Variants in TENM4 observed in about 807,000 individuals in gnomAD.
TENM4 encodes teneurin transmembrane protein 4.
In TENM4, 82 loss-of-function variants were observed where a neutral mutation model predicts 243.3. That is an observed-to-expected ratio of 0.34 (90% CI 0.28 to 0.40). The LOEUF (loss-of-function observed/expected upper bound fraction) is 0.40, where lower values mean the gene tolerates loss of function less well. Ranked by LOEUF, TENM4 falls within the 10% of genes least tolerant of loss-of-function variation. The probability of loss-of-function intolerance (pLI) is 1.00; values close to 1 mark genes in which losing one functional copy is unlikely to be tolerated. For synonymous variants in TENM4, 1,412 were observed against 1,456.3 expected, an observed-to-expected ratio of 0.97 and a Z score of 0.69; for missense variants, 3,138 against 3,673.3, an observed-to-expected ratio of 0.85 and a Z score of 3.77.
intron 8 of TENM4, 121 bp downstream of exon 8, chr11:78,891,117 T>C: frequency 1.2e-6 from 1 of 826,796 alleles, no homozygotes; most frequent in South Asian, 1.7e-5. Flanking sequence ...GACTTGGTGA[T>C]GAGCATGCCA....
intron 6 of TENM4, among the ~76,000 whole-genome samples, chr11:78,920,039 G>A (rs2136382476): frequency 6.6e-6 from 1 of 152,234 alleles, no homozygotes; most frequent in Middle Eastern, 3.4e-3. Context: ...CCCTCGAGAT[G>A]CCTCTTATTT....
intron 4 of TENM4, among the ~76,000 whole-genome samples, chr11:79,105,656 G>A (rs1036394351): frequency 6.6e-6 from 1 of 152,232 alleles, no homozygotes; most frequent in African/African-American, 2.4e-5. Context: ...AGGCAGGCTG[G>A]TCAGTGCCTA....
chr11:79,278,729 C>A (rs955078892), intron 2 of TENM4, among the ~76,000 whole-genome samples: 4 of 152,206 alleles, frequency 2.6e-5, no homozygotes, highest in African/African-American at 7.2e-5. Flanking sequence ...ACTCAAGTGG[C>A]CCGTGGCAGT....
intron 10 of TENM4, among the ~76,000 whole-genome samples, chr11:78,859,287 G>A (rs1243869019): frequency 6.6e-6 from 1 of 152,160 alleles, no homozygotes; most frequent in Non-Finnish European, 1.5e-5. Flanking sequence ...AAACATTCAT[G>A]AGAAGGACAC....
chr11:78,723,624 A>G (rs1855449909), intron 23 of TENM4, among the ~76,000 whole-genome samples: 1 of 152,210 alleles, frequency 6.6e-6, no homozygotes, highest in African/African-American at 2.4e-5. Flanking sequence ...GAGGGGATTG[A>G]CCTCAATGAC....
intron 19 of TENM4, among the ~76,000 whole-genome samples, chr11:78,755,940 C>A (rs140916711): frequency 6.6e-6 from 1 of 152,114 alleles, no homozygotes; most frequent in African/African-American, 2.4e-5. Context: ...GGCACCACTA[C>A]GTTGGAAGAC....
intron 3 of TENM4, among the ~76,000 whole-genome samples, chr11:79,190,691 T>A (rs1863462007): frequency 6.6e-6 from 1 of 152,204 alleles, no homozygotes. Context: ...GAATAGGTGA[T>A]GCAAGTCAAG....
At chr11:78,698,907 C>T (rs1008913330) in intron 28 of TENM4, among the ~76,000 whole-genome samples, 3 of 152,120 alleles carry the variant, frequency 2.0e-5, no homozygotes, top group African/African-American at 7.2e-5. Flanking sequence ...ATTTTCCAGC[C>T]GACTTTGGAT....
At chr11:78,694,807 G>A (rs1858915562) in intron 28 of TENM4, among the ~76,000 whole-genome samples, 1 of 152,134 alleles carries the variant, frequency 6.6e-6, no homozygotes, top group Admixed American at 6.5e-5. Context: ...GAATTCAGAA[G>A]GTTTTCCTCA....
At chr11:78,734,786 C>CT (rs1173461843) in intron 20 of TENM4, among the ~76,000 whole-genome samples, 1 of 152,158 alleles carries the variant, frequency 6.6e-6, no homozygotes, top group Non-Finnish European at 1.5e-5. Context: ...AGCTCTCTGG[C>CT]CCAGGGACAT....
intron 3 of TENM4, among the ~76,000 whole-genome samples, chr11:79,187,253 T>C (rs184588558): frequency 6.6e-6 from 1 of 152,184 alleles, no homozygotes; most frequent in Admixed American, 6.5e-5. Context: ...CCACTGGGGA[T>C]AAAGGGAAAA....
chr11:79,360,056 A>G lies in TENM4; in HGVS notation c.-320-62513T>C, dbSNP rs536324043. ...CAAAGTCTCTTCAGACACAAAGAAC[A>G]TCCCTCCTCTATTCATTACAGAGCC... On this transcript the variant is annotated intron_variant, in intron 1 of 33. Coordinates refer to ENST00000278550, the MANE Select transcript of TENM4 (RefSeq NM_001098816.3). Among the ~76,000 whole-genome samples, 116 of 152,304 alleles carry G rather than the reference A, an allele frequency of 7.6e-4. 3 individuals carry two copies. The South Asian group carries it at 0.024, about 31-fold the overall frequency.
rs61745646 is a variant in TENM4, at chr11:78,812,138, G to A, written c.1962C>T (p.Gly654=). The part of the protein sequence containing the change: ...GTCICNPGYK[G]ESCEEVDCMD... ...AACTCTTACCTTCCTCACAGCTCTC[G>A]CCCTTGTAGCCAGGGTTGCAGATGC... The change falls in exon 14 of 34, where the codon GGC becomes GGT. Residue 654 remains glycine, a synonymous_variant. Coordinates refer to ENST00000278550, the MANE Select transcript of TENM4 (RefSeq NM_001098816.3). 6.6e-4 allele frequency: 1,027 copies of A among 1,551,278 alleles called. 6 individuals carry two copies. The African/African-American group carries it at 0.012, about 17-fold the overall frequency.
chr11:79,370,251 C>CAT (rs1565318329), intron 1 of TENM4, among the ~76,000 whole-genome samples: 1 of 152,202 alleles, frequency 6.6e-6, no homozygotes, highest in East Asian at 1.9e-4. Flanking sequence ...CAGGGCCCTC[C>CAT]ATACCATGAC....
At chr11:79,037,049 A>G (rs1196596415) in intron 6 of TENM4, among the ~76,000 whole-genome samples, 1 of 151,870 alleles carries the variant, frequency 6.6e-6, no homozygotes, top group African/African-American at 2.4e-5. Context: ...AAAAAAAGAA[A>G]AAAAAGAAAA....
chr11:79,238,482 G>A (rs1864520600), intron 2 of TENM4, among the ~76,000 whole-genome samples: 1 of 152,066 alleles, frequency 6.6e-6, no homozygotes, highest in African/African-American at 2.4e-5. Flanking sequence ...CTTTGGACAT[G>A]AGAACTCCTG....
At chr11:78,966,426 G>T (rs113913420) in intron 6 of TENM4, among the ~76,000 whole-genome samples, 34 of 152,234 alleles carry the variant, frequency 2.2e-4, no homozygotes, top group African/African-American at 7.9e-4. Context: ...CGAAAGTATG[G>T]CAAATCCTGT....
intron 4 of TENM4, among the ~76,000 whole-genome samples, chr11:79,098,201 G>A (rs2187172): frequency 0.27 from 40,330 of 150,120 alleles, 5,513 homozygotes; most frequent in East Asian, 0.32. Context: ...CCCTGCATGC[G>A]GGTCTCTTGT....
At chr11:78,677,832 T>G (rs1858520692) in intron 29 of TENM4, among the ~76,000 whole-genome samples, 1 of 148,330 alleles carries the variant, frequency 6.7e-6, no homozygotes, top group Admixed American at 6.7e-5. Flanking sequence ...TGCAGGTTAG[T>G]TACATATGTA....
Sources: gnomAD v4.1 joint callset for allele counts (sites outside exome capture counted in the v4.1 genomes callset) on GRCh38, gnomAD v4.1.1 for gene constraint, MANE v1.5 for transcripts, NCBI Gene and HGNC (gene_info 2026-07-23, HGNC 2026-07-21) for gene names.